The following VMP1 variants were observed in gnomAD, a reference collection of about 807,000 sequenced individuals.
The protein encoded by VMP1 is ectopic P-granules autophagy protein 3 homolog.
VMP1 carries 11 observed loss-of-function variants against 56.0 expected under a neutral mutation model. The observed-to-expected ratio is 0.20, with a 90% CI of 0.12 to 0.32. The LOEUF (loss-of-function observed/expected upper bound fraction) is 0.32. VMP1 is among the 10% of genes least tolerant of loss of function. VMP1 has a pLI of 1.00. For synonymous variants in VMP1, 149 were observed against 165.0 expected (o/e 0.90, Z 0.74); for missense variants, 296 against 490.3 (o/e 0.60, Z 3.74).
At position 59,775,283 on chromosome 17, in the gene VMP1, C is replaced by T. The variant is rs141626159; in HGVS notation, c.714+1398C>T. On this transcript the variant is annotated intron_variant, in intron 7 of 11. Coordinates refer to ENST00000262291, the MANE Select transcript of VMP1 (RefSeq NM_030938.5). ...TAAAAAGCTTAGCTGGGCCTAGTGG[C>T]GTATGCTTGTAGTCCTAGCTACTTG... Among the ~76,000 whole-genome samples, 922 of 151,418 alleles carry T rather than the reference C, an allele frequency of 6.1e-3. 5 individuals carry two copies. Among genetic ancestry groups the T allele is most frequent in the African/African-American group, 0.021 (849 of 41,270 alleles).
At chr17:59,747,879 A>C (rs889904707) in intron 5 of VMP1, among the ~76,000 whole-genome samples, 9 of 151,372 alleles carry the variant, frequency 5.9e-5, no homozygotes, top group African/African-American at 1.9e-4. Context: ...TGTGTTACAG[A>C]GCGAAACCCT....
intron 10 of VMP1, among the ~76,000 whole-genome samples, chr17:59,831,612 AT>A (rs34016289): frequency 0.15 from 19,506 of 132,822 alleles, 1,634 homozygotes; most frequent in African/African-American, 0.26. Flanking sequence ...TTTTGAATGG[AT>A]TTTTTTTTTT....
Position 59,737,547 on chromosome 17 carries a change from A to G in VMP1, c.303+4A>G. ...TGTTGAAGGAGTGCATCAACAGGTG[A>G]GAGGTCGAGCAATTCTGTTTCTAGT... On this transcript the variant is annotated splice_donor_region_variant and intron_variant, in intron 4 of 11. Transcript: ENST00000262291. 1 of 1,602,708 alleles carries G rather than the reference A, an allele frequency of 6.2e-7. No homozygotes were observed. The highest frequency in any genetic ancestry group is 1.1e-5 in the South Asian group (1 of 88,112).
chr17:59,781,015 G>A (rs1395492077), intron 7 of VMP1, among the ~76,000 whole-genome samples: 1 of 152,108 alleles, frequency 6.6e-6, no homozygotes, highest in African/African-American at 2.4e-5. Context: ...TTTCAGATAA[G>A]GTGTATAAGA....
chr17:59,718,384 G>C (rs1003557277), intron 1 of VMP1, among the ~76,000 whole-genome samples: 2 of 151,716 alleles, frequency 1.3e-5, no homozygotes, highest in Middle Eastern at 3.4e-3. Flanking sequence ...TTTTAGTAGA[G>C]ATGGGGTTTC....
intron 1 of VMP1, among the ~76,000 whole-genome samples, chr17:59,729,235 A>G (rs1189551290): frequency 6.6e-6 from 1 of 152,210 alleles, no homozygotes; most frequent in Non-Finnish European, 1.5e-5. Flanking sequence ...CTGTAATCCC[A>G]GCACTTTGTG....
chr17:59,781,151 T>C (rs1321508742), intron 7 of VMP1, among the ~76,000 whole-genome samples: 1 of 152,198 alleles, frequency 6.6e-6, no homozygotes, highest in Non-Finnish European at 1.5e-5. Context: ...TTTTAATTCT[T>C]GTTCAAAGGA....
At chr17:59,799,695 G>C (rs2037569185) in intron 7 of VMP1, among the ~76,000 whole-genome samples, 1 of 152,124 alleles carries the variant, frequency 6.6e-6, no homozygotes, top group African/African-American at 2.4e-5. Context: ...GGGCGCAGTG[G>C]CTCACGCCTG....
At chr17:59,757,789 C>T (rs1030925881) in intron 5 of VMP1, among the ~76,000 whole-genome samples, 3 of 146,076 alleles carry the variant, frequency 2.1e-5, no homozygotes, top group African/African-American at 7.5e-5. Flanking sequence ...ACCAAGCTAT[C>T]TTGTTGATTT....
chr17:59,802,103 AG>A (rs2037691055), intron 7 of VMP1, among the ~76,000 whole-genome samples: 1 of 151,988 alleles, frequency 6.6e-6, no homozygotes, highest in African/African-American at 2.4e-5. Flanking sequence ...CTGGAGTTTG[AG>A]GTGTGAGAAT....
chr17:59,807,832 C>CAAAAAAA (rs543862899), intron 7 of VMP1, among the ~76,000 whole-genome samples: 1 of 85,688 alleles, frequency 1.2e-5, no homozygotes, highest in Admixed American at 1.2e-4. Context: ...AACTCCGTCT[C>CAAAAAAA]AAAAAAAAAA....
chr17:59,709,815 TC>T (rs1160414624), intron 1 of VMP1, among the ~76,000 whole-genome samples: 2 of 152,168 alleles, frequency 1.3e-5, no homozygotes, highest in Non-Finnish European at 2.9e-5. Flanking sequence ...CTTCAGAACT[TC>T]CAAGTGCAGA....
chr17:59,724,109 G>A (rs1042618321), intron 1 of VMP1, among the ~76,000 whole-genome samples: 5 of 151,876 alleles, frequency 3.3e-5, no homozygotes, highest in Admixed American at 1.3e-4. Flanking sequence ...CTGCTCGGGA[G>A]GCTGAAGTGG....
intron 6 of VMP1, among the ~76,000 whole-genome samples, chr17:59,773,194 T>C (rs1478150451): frequency 2.6e-5 from 4 of 151,790 alleles, no homozygotes; most frequent in African/African-American, 9.7e-5. Flanking sequence ...TCTCTTGACC[T>C]CGGGATCCGC....
intron 7 of VMP1, among the ~76,000 whole-genome samples, chr17:59,774,861 G>A (rs1167637077): frequency 6.6e-6 from 1 of 152,138 alleles, no homozygotes; most frequent in African/African-American, 2.4e-5. Flanking sequence ...CACTTTGAGA[G>A]GCTGAGGTGG....
At chr17:59,753,667 C>T (rs913145005) in intron 5 of VMP1, among the ~76,000 whole-genome samples, 2 of 152,096 alleles carry the variant, frequency 1.3e-5, no homozygotes, top group Non-Finnish European at 2.9e-5. Context: ...TTCACAAAGC[C>T]CCATATCCCT....
intron 11 of VMP1, 199 bp from the exon 12 acceptor site, chr17:59,839,568 AT>A (rs1380446708): frequency 5.9e-5 from 36 of 614,740 alleles, no homozygotes; most frequent in Non-Finnish European, 9.7e-5. Flanking sequence ...CTGATTTTAC[AT>A]CCAACAAAGT....
chr17:59,798,712 C>T (rs1342182281), intron 7 of VMP1, among the ~76,000 whole-genome samples: 1 of 152,130 alleles, frequency 6.6e-6, no homozygotes, highest in Non-Finnish European at 1.5e-5. Flanking sequence ...CATGGAGAAA[C>T]CCCGTCTCCA....
Position 59,811,776 on chromosome 17 carries a change from T to C in VMP1, c.902T>C (p.Met301Thr). The change falls in exon 9 of 12, where the codon ATG (methionine) becomes ACG (threonine). Residue 301 changes from methionine (M) to threonine (T), a missense_variant. Physicochemically the swap from Met to Thr is moderately conservative, Grantham distance 81. This residue lies in a region of VMP1 where 95 missense variants were observed against 137.6 expected (regional missense o/e 0.69). Transcript: ENST00000262291. The stretch of plus-strand genomic sequence containing the variant: ...CTAATTGGAAAAGCAATAATAAAAA[T>C]GCATATCCAGGTAATTATACCCCCT... ...ATLIGKAIIK[M>T]HIQKIFVIIT... 6.2e-7 allele frequency: 1 copy of C among 1,609,282 alleles called. No homozygotes were observed.
Sources: allele counts gnomAD v4.1 joint callset (sites outside exome capture counted in the v4.1 genomes callset), GRCh38; gene constraint gnomAD v4.1.1; regional missense constraint gnomAD v4.1.1; transcripts MANE v1.5; gene names NCBI Gene and HGNC (gene_info 2026-07-23, HGNC 2026-07-21).